EBAG9: variants seen among roughly 807,000 people sequenced by gnomAD.
EBAG9 encodes the protein estrogen receptor binding site associated antigen 9, also known as receptor-binding cancer antigen expressed on SiSo cells.
In EBAG9, 16 loss-of-function variants were observed where a neutral mutation model predicts 30.9. That is an observed-to-expected ratio of 0.52 (90% CI 0.35 to 0.79). EBAG9 has a LOEUF of 0.79. EBAG9 is among the 30% of genes least tolerant of loss of function. The pLI, the probability that EBAG9 is intolerant of heterozygous loss-of-function variation, is 0.01. For synonymous variants in EBAG9, 93 were observed against 82.8 expected, an observed-to-expected ratio of 1.12 and a Z score of -0.67; for missense variants, 197 against 242.1, an observed-to-expected ratio of 0.81 and a Z score of 1.24.
chr8:109,560,721 A>G, intron 5 of EBAG9, 117 bp from the exon 6 acceptor site: 1 of 709,602 alleles, frequency 1.4e-6, no homozygotes, highest in Non-Finnish European at 2.3e-6. Flanking sequence ...AAGGAAGCTG[A>G]GAAGACATAG....
intron 1 of EBAG9, among the ~76,000 whole-genome samples, chr8:109,542,465 A>T (rs1419360889): frequency 6.6e-6 from 1 of 152,202 alleles, no homozygotes; most frequent in Non-Finnish European, 1.5e-5. Context: ...TAAAACTGAC[A>T]GTCCCAAATG....
intron 1 of EBAG9, among the ~76,000 whole-genome samples, chr8:109,549,816 T>A (rs1428168793): frequency 6.6e-6 from 1 of 152,080 alleles, no homozygotes; most frequent in Non-Finnish European, 1.5e-5. Context: ...AAATGACCAC[T>A]TTTATACCTG....
At chr8:109,558,330 A>G (rs1363059427) in intron 5 of EBAG9, among the ~76,000 whole-genome samples, 1 of 152,180 alleles carries the variant, frequency 6.6e-6, no homozygotes, top group Non-Finnish European at 1.5e-5. Context: ...ATGAATGATC[A>G]CACACGTCAA....
intron 1 of EBAG9, among the ~76,000 whole-genome samples, chr8:109,545,652 C>T (rs939130903): frequency 3.3e-5 from 5 of 152,100 alleles, no homozygotes; most frequent in African/African-American, 4.8e-5. Flanking sequence ...CGTGAGCCAC[C>T]GCGCCCAGCA....
At chr8:109,547,743 G>T (rs1394571646) in intron 1 of EBAG9, among the ~76,000 whole-genome samples, 3 of 152,114 alleles carry the variant, frequency 2.0e-5, no homozygotes, top group Non-Finnish European at 4.4e-5. Context: ...GCCTCCCAAA[G>T]TGCTGGGATT....
intron 5 of EBAG9, among the ~76,000 whole-genome samples, chr8:109,560,344 A>G (rs996569950): frequency 2.6e-5 from 4 of 152,210 alleles, no homozygotes; most frequent in Non-Finnish European, 5.9e-5. Context: ...GTGCCAATAA[A>G]AAATCTCCAG....
intron 1 of EBAG9, among the ~76,000 whole-genome samples, chr8:109,546,286 T>A (rs996004327): frequency 1.3e-5 from 2 of 152,148 alleles, no homozygotes; most frequent in African/African-American, 4.8e-5. Flanking sequence ...AACAGCTCTT[T>A]TGAGCTCTAA....
At chr8:109,540,623 G>A (rs189450306) in intron 1 of EBAG9, 162 bp downstream of exon 1, 39 of 152,370 alleles carry the variant, frequency 2.6e-4, no homozygotes, top group African/African-American at 9.4e-4. Flanking sequence ...TCGGTTGCCA[G>A]ACATGGCACA....
chr8:109,541,024 A>T (rs755551118), intron 1 of EBAG9, among the ~76,000 whole-genome samples: 3 of 152,064 alleles, frequency 2.0e-5, no homozygotes, highest in Non-Finnish European at 4.4e-5. Flanking sequence ...ATCAGTTTCT[A>T]ATGTAGCATT....
At chr8:109,541,817 A>G (rs1170068523) in intron 1 of EBAG9, among the ~76,000 whole-genome samples, 3 of 152,210 alleles carry the variant, frequency 2.0e-5, no homozygotes, top group Admixed American at 1.3e-4. Flanking sequence ...ATTTAGATGA[A>G]TAGGGACATT....
At chr8:109,556,046 G>A (rs1161524097) in intron 4 of EBAG9, among the ~76,000 whole-genome samples, 4 of 152,020 alleles carry the variant, frequency 2.6e-5, no homozygotes, top group Non-Finnish European at 5.9e-5. Context: ...GGTAAATGAA[G>A]ATTTATTTCT....
intron 1 of EBAG9, among the ~76,000 whole-genome samples, chr8:109,541,767 A>G (rs1242130888): frequency 6.6e-6 from 1 of 152,228 alleles, no homozygotes. Context: ...TTCCAAATCC[A>G]AAGTAGCGAC....
intron 1 of EBAG9, 96 bp downstream of exon 1, chr8:109,540,557 C>T (rs1322346524): frequency 6.6e-6 from 1 of 152,100 alleles, no homozygotes; most frequent in East Asian, 1.9e-4. Context: ...ATTCTGGAGA[C>T]CTTACTCCGC....
rs1821614577 is a variant in EBAG9 at position 109,557,024 on chromosome 8, G to A, written c.411G>A (p.Leu137=). The change falls in exon 5 of 7, where the codon CTG becomes CTA. Residue 137 remains leucine (L), a synonymous_variant. Transcript: ENST00000337573. ...GTAGATTAGCAGCTACACAAGATCT[G>A]CCTTTTATTCATCAGTCTGTAAGTA... is the stretch of plus-strand genomic sequence containing the variant. The part of the protein sequence containing the change: ...FSSRLAATQD[L]PFIHQSSELG... 2 of 1,604,970 alleles carry A rather than the reference G, an allele frequency of 1.2e-6. No homozygotes were observed. The highest frequency in any genetic ancestry group is 8.5e-7 in the Non-Finnish European group (1 of 1,174,612).
At chr8:109,554,092 A>G (rs984136441) in intron 3 of EBAG9, 149 bp downstream of exon 3, 18 of 549,038 alleles carry the variant, frequency 3.3e-5, no homozygotes, top group South Asian at 6.8e-5. Context: ...TGAAAATTCT[A>G]TTTGGTTCTA....
chr8:109,548,844 C>T (rs985131601), intron 1 of EBAG9, among the ~76,000 whole-genome samples: 20 of 150,210 alleles, frequency 1.3e-4, no homozygotes, highest in Non-Finnish European at 8.9e-5. Context: ...TCTGCCTTTC[C>T]ATTCTGGATG....
At chr8:109,556,501 A>G (rs1282558825) in intron 4 of EBAG9, among the ~76,000 whole-genome samples, 1 of 152,106 alleles carries the variant, frequency 6.6e-6, no homozygotes, top group African/African-American at 2.4e-5. Flanking sequence ...TAGAATGGAA[A>G]TGCTTTAAAT....
intron 3 of EBAG9, 131 bp from the exon 4 acceptor site, chr8:109,554,598 G>C (rs983709277): frequency 2.6e-6 from 2 of 761,848 alleles, no homozygotes; most frequent in Non-Finnish European, 4.1e-6. Context: ...GATATGAAAT[G>C]TATGTTTTCC....
Position 109,565,454 on chromosome 8 carries a change from A to C in EBAG9, c.*895A>C, listed in dbSNP as rs950494484. On this transcript the variant is annotated 3_prime_UTR_variant, in exon 7 of 7. Transcript: ENST00000337573. ...TAGATGATTTCTGTACTAGCTTTAG[A>C]TGTCTGACGTTATGTAGGTTACCTG... 6.6e-6 allele frequency: 1 copy of C among 152,102 alleles called. No individual in the cohort carries two copies. Among genetic ancestry groups the C allele is most frequent in the African/African-American group, 2.4e-5 (1 of 41,450 alleles). The allele number at this position is 152,102 out of a possible 1,614,324, so 9.4% of individuals were successfully genotyped here.
Sources: gnomAD v4.1 joint callset for allele counts (sites outside exome capture counted in the v4.1 genomes callset) on GRCh38, gnomAD v4.1.1 for gene constraint, MANE v1.5 for transcripts, NCBI Gene and HGNC (gene_info 2026-07-23, HGNC 2026-07-21) for gene names.